Variants in CPXM2 observed in about 807,000 individuals in gnomAD.
The protein encoded by CPXM2 is inactive carboxypeptidase-like protein X2.
CPXM2 carries 66 observed loss-of-function variants against 86.1 expected under a neutral mutation model. That is an observed-to-expected ratio of 0.77 (90% CI 0.63 to 0.94). The LOEUF is 0.94. Ranked by LOEUF, CPXM2 falls within the 40% of genes least tolerant of loss-of-function variation. CPXM2 has a pLI of 0.00. For missense variants in CPXM2, 948 were observed against 1,026.3 expected (o/e 0.92, Z 1.04); for synonymous variants, 388 against 400.2 (o/e 0.97, Z 0.36).
intron 2 of CPXM2, among the ~76,000 whole-genome samples, chr10:123,878,294 CTCTT>C (rs1945022182): frequency 1.3e-5 from 1 of 76,092 alleles, no homozygotes. Context: ...CTTTTTTTCT[CTCTT>C]TTTTTTTTTT....
chr10:123,838,029 C>T (rs1177464051), intron 4 of CPXM2, among the ~76,000 whole-genome samples: 5 of 152,158 alleles, frequency 3.3e-5, no homozygotes, highest in African/African-American at 1.2e-4. Context: ...CTGAAAGCTC[C>T]CTGCAGGCAG....
chr10:123,869,545 G>A (rs1022575784), intron 2 of CPXM2, among the ~76,000 whole-genome samples: 1 of 152,190 alleles, frequency 6.6e-6, no homozygotes, highest in African/African-American at 2.4e-5. Flanking sequence ...CATCCACGAT[G>A]AATCTGCTTT....
chr10:123,876,189 G>C (rs1453199478), intron 2 of CPXM2, among the ~76,000 whole-genome samples: 1 of 152,104 alleles, frequency 6.6e-6, no homozygotes, highest in African/African-American at 2.4e-5. Context: ...AGGGCCAGCT[G>C]CTGTTCTGGG....
chr10:123,797,315 A>G (rs1008211060), intron 6 of CPXM2, among the ~76,000 whole-genome samples: 15 of 152,338 alleles, frequency 9.8e-5, no homozygotes, highest in Admixed American at 9.1e-4. Flanking sequence ...GTATCTGCCA[A>G]TGACAGATAA....
At position 123,766,974 on chromosome 10, in the gene CPXM2, G is replaced by A. The variant is rs143241838; in HGVS notation, c.1478C>T (p.Thr493Met). 70 of 1,612,522 alleles carry A rather than the reference G, an allele frequency of 4.3e-5. No homozygotes were observed. The highest frequency in any genetic ancestry group is 1.6e-4 in the Middle Eastern group (1 of 6,082). Residue 493 changes from threonine to methionine, a missense_variant and splice_region_variant, in exon 10 of 14, where the codon ACG becomes ATG. Physicochemically the swap from Thr to Met is moderately conservative, Grantham distance 81. Coordinates refer to ENST00000241305, the MANE Select transcript of CPXM2 (RefSeq NM_198148.3). ...CAGATGACGGGTATTTTGACTCACC[G>A]TGGCATTTTCCGACAGAAACCACTC... ...IPEWFLSENA[T>M]VAAETRAVIA...
At chr10:123,851,410 G>T (rs2134172080) in intron 3 of CPXM2, among the ~76,000 whole-genome samples, 1 of 152,290 alleles carries the variant, frequency 6.6e-6, no homozygotes, top group East Asian at 1.9e-4. Flanking sequence ...ATTGAATTGT[G>T]TTCCCCCTCT....
chr10:123,783,033 A>T (rs2176486), intron 6 of CPXM2, among the ~76,000 whole-genome samples: 61,585 of 152,112 alleles, frequency 0.4, 13,078 homozygotes, highest in African/African-American at 0.48. Context: ...ACCAGCTCCA[A>T]GACAGTTTAC....
At chr10:123,852,848 A>C (rs1378936539) in intron 3 of CPXM2, among the ~76,000 whole-genome samples, 1 of 152,070 alleles carries the variant, frequency 6.6e-6, no homozygotes, top group Non-Finnish European at 1.5e-5. Context: ...GTCTGCCCCC[A>C]TGACTACCAC....
chr10:123,768,624 A>G lies in CPXM2; in HGVS notation c.1201T>C (p.Leu401=). The G allele has an allele frequency of 1.2e-6, 2 of 1,613,990 alleles. No homozygotes were observed. The highest frequency in any genetic ancestry group is 1.6e-4 in the Middle Eastern group (1 of 6,062). ...TGGACGATGCGCGCATTCCGGGCCAAGTACTCCTGACACACGAACTGCACC... is the reference window on the plus strand; with the variant it reads ...TGGACGATGCGCGCATTCCGGGCCAGGTACTCCTGACACACGAACTGCACC... ...LLVQFVCQEY[L]ARNARIVHLV... Residue 401 remains leucine, a synonymous_variant, in exon 9 of 14, where the codon TTG becomes CTG. Coordinates refer to ENST00000241305, the MANE Select transcript of CPXM2 (RefSeq NM_198148.3).
At chr10:123,869,405 A>C (rs990854740) in intron 2 of CPXM2, among the ~76,000 whole-genome samples, 1 of 152,250 alleles carries the variant, frequency 6.6e-6, no homozygotes, top group Non-Finnish European at 1.5e-5. Context: ...GCTTCTAGGA[A>C]GAAAAAAGGA....
intron 2 of CPXM2, among the ~76,000 whole-genome samples, chr10:123,877,249 G>A (rs751945827): frequency 2.6e-5 from 4 of 152,124 alleles, no homozygotes; most frequent in Non-Finnish European, 2.9e-5. Flanking sequence ...GCAAAAAATT[G>A]GAAACAACAT....
At chr10:123,751,712 A>G in intron 13 of CPXM2, 2 of 985,442 alleles carry the variant, frequency 2.0e-6, no homozygotes, top group Non-Finnish European at 2.4e-6. Flanking sequence ...ATCCCGAAAT[A>G]AAACTTGTCA....
intron 2 of CPXM2, among the ~76,000 whole-genome samples, chr10:123,918,257 T>C (rs577629798): frequency 5.1e-4 from 77 of 152,302 alleles, no homozygotes; most frequent in Non-Finnish European, 8.5e-4. Context: ...GGGAGAAATT[T>C]CAAGAAATTA....
intron 2 of CPXM2, among the ~76,000 whole-genome samples, chr10:123,931,148 G>A (rs1041339434): frequency 6.6e-6 from 1 of 152,172 alleles, no homozygotes. Flanking sequence ...AGAGACTTCC[G>A]GTGGGAAGGG....
chr10:123,802,138 A>T (rs1847472196), intron 4 of CPXM2, among the ~76,000 whole-genome samples: 1 of 152,166 alleles, frequency 6.6e-6, no homozygotes, highest in Non-Finnish European at 1.5e-5. Context: ...AGGGCATGGT[A>T]GGCTTTTAGG....
At position 123,780,254 on chromosome 10, in the gene CPXM2, A is replaced by G; in HGVS notation, c.891T>C (p.Asp297=). 1.3e-6 allele frequency: 2 copies of G among 1,588,610 alleles called. No homozygotes were observed. The highest frequency in any genetic ancestry group is 1.7e-6 in the Non-Finnish European group (2 of 1,156,986). ...RMEILGCPLP[D]PNNYYHRRNE... ...TCCGGCGGTGATAATAATTATTAGG[A>G]TCTAGGGACAGAAACATGATTTTGC... The change falls in exon 7 of 14, where the codon GAT becomes GAC. Residue 297 remains aspartate, a splice_region_variant and synonymous_variant. Coordinates refer to ENST00000241305, the MANE Select transcript of CPXM2 (RefSeq NM_198148.3).
chr10:123,867,573 A>T (rs1311550141), intron 2 of CPXM2, among the ~76,000 whole-genome samples: 1 of 119,794 alleles, frequency 8.3e-6, no homozygotes, highest in Non-Finnish European at 1.6e-5. Flanking sequence ...CACTCTTGTC[A>T]CCCAGGCTGC....
intron 6 of CPXM2, among the ~76,000 whole-genome samples, chr10:123,793,222 T>C (rs532990086): frequency 1.8e-4 from 28 of 152,060 alleles, no homozygotes; most frequent in Middle Eastern, 3.4e-3. Flanking sequence ...CCCAGCACTT[T>C]GGGAGGCCGA....
chr10:123,930,679 T>C (rs1264777142), intron 2 of CPXM2, among the ~76,000 whole-genome samples: 1 of 152,228 alleles, frequency 6.6e-6, no homozygotes, highest in African/African-American at 2.4e-5. Context: ...ATAACACTCC[T>C]GAGAGCTGCC....
Sources: gnomAD v4.1 joint callset for allele counts (sites outside exome capture counted in the v4.1 genomes callset) on GRCh38, gnomAD v4.1.1 for gene constraint, MANE v1.5 for transcripts, NCBI Gene and HGNC (gene_info 2026-07-23, HGNC 2026-07-21) for gene names.